The following DPP6 variants were observed in gnomAD, a reference collection of about 807,000 sequenced individuals.
DPP6 encodes the protein dipeptidyl peptidase like 6.
DPP6 carries 69 observed loss-of-function variants against 122.6 expected under a neutral mutation model. The observed-to-expected ratio is 0.56, with a 90% CI of 0.46 to 0.69. DPP6 has a LOEUF of 0.69. Ranked by LOEUF, DPP6 falls within the 30% of genes least tolerant of loss-of-function variation. The pLI is 0.00. For synonymous variants in DPP6, 418 were observed against 433.1 expected (o/e 0.97, Z 0.43); for missense variants, 928 against 1,116.9 (o/e 0.83, Z 2.41).
rs1823490743 is a variant in DPP6 at position 154,483,347 on chromosome 7, G to A, written c.457+8310G>A. On this transcript the variant is annotated intron_variant, in intron 3 of 25. Coordinates refer to ENST00000377770, the MANE Select transcript of DPP6 (RefSeq NM_130797.4). The surrounding 1 kb of genome is among the most constrained non-coding windows in gnomAD (Gnocchi z 8.1). ...TGATCATTTGAGTCATATTTAAATT[G>A]TTTATTTCTTTCTGTTAAAGGTAAA... is the stretch of plus-strand genomic sequence containing the variant. Among the ~76,000 whole-genome samples the A allele has an allele frequency of 6.6e-6, 1 of 151,564 alleles. No homozygotes were observed. The highest frequency in any genetic ancestry group is 2.1e-4 in the South Asian group (1 of 4,806).
chr7:154,791,586 G>GC (rs1312256817), intron 10 of DPP6, among the ~76,000 whole-genome samples: 1 of 152,186 alleles, frequency 6.6e-6, no homozygotes, highest in Non-Finnish European at 1.5e-5. Context: ...GGTGAGATTT[G>GC]CCGGGGGGAC....
chr7:154,061,044 TGG>T (rs1563152325), intron 1 of DPP6, among the ~76,000 whole-genome samples: 1 of 141,398 alleles, frequency 7.1e-6, no homozygotes, highest in African/African-American at 2.5e-5. Context: ...GTACCTTATG[TGG>T]GATTTACGAT....
chr7:153,871,055 C>T, the DPP6 span, among the ~76,000 whole-genome samples: 1 of 152,148 alleles, frequency 6.6e-6, no homozygotes, highest in African/African-American at 2.4e-5. Flanking sequence ...TGTCAGTCTG[C>T]CCCTCCTAGG....
At chr7:154,318,683 C>T (rs1265871775) in intron 1 of DPP6, among the ~76,000 whole-genome samples, 1 of 152,194 alleles carries the variant, frequency 6.6e-6, no homozygotes, top group Non-Finnish European at 1.5e-5. Flanking sequence ...GAATGCAGAG[C>T]TGGGTTTCTG....
At chr7:154,411,551 T>C (rs1000023246) in intron 1 of DPP6, among the ~76,000 whole-genome samples, 1 of 152,130 alleles carries the variant, frequency 6.6e-6, no homozygotes, top group Admixed American at 6.6e-5. Context: ...TCAATTTTTA[T>C]CTCCCTAGAA....
intron 1 of DPP6, among the ~76,000 whole-genome samples, chr7:154,086,342 G>A (rs1408549478): frequency 6.8e-6 from 1 of 147,264 alleles, no homozygotes; most frequent in Non-Finnish European, 1.5e-5. Context: ...TATAGAGGCT[G>A]CAGGTGTGTT....
chr7:154,658,289 T>C (rs1804062835), intron 6 of DPP6, among the ~76,000 whole-genome samples: 2 of 152,234 alleles, frequency 1.3e-5, no homozygotes, highest in Non-Finnish European at 2.9e-5. Context: ...AAGGAGGATA[T>C]GGGAACTCTC....
the DPP6 span, among the ~76,000 whole-genome samples, chr7:153,836,857 T>G: frequency 3.9e-5 from 6 of 152,184 alleles, no homozygotes; most frequent in Non-Finnish European, 7.3e-5. Context: ...CACTCTGACT[T>G]CCAGTTAAAA....
upstream of DPP6, among the ~76,000 whole-genome samples, chr7:153,884,152 C>G (rs1037278136): frequency 2.0e-5 from 3 of 152,076 alleles, no homozygotes; most frequent in African/African-American, 7.2e-5. Flanking sequence ...TAATGCTATC[C>G]CTCCCCAATT....
intron 1 of DPP6, among the ~76,000 whole-genome samples, chr7:154,153,088 G>A (rs1482824330): frequency 9.2e-5 from 14 of 152,238 alleles, no homozygotes; most frequent in Admixed American, 7.9e-4. Context: ...GTCTTTGAAC[G>A]AGTCTGCCTT....
At chr7:154,506,856 T>C (rs563626662) in intron 3 of DPP6, among the ~76,000 whole-genome samples, 88 of 152,348 alleles carry the variant, frequency 5.8e-4, no homozygotes, top group African/African-American at 2.0e-3. Flanking sequence ...CATTTCTTTC[T>C]GCACTTTCAG....
intron 1 of DPP6, among the ~76,000 whole-genome samples, chr7:154,208,660 G>A (rs1255592452): frequency 2.0e-5 from 3 of 152,116 alleles, no homozygotes; most frequent in Admixed American, 6.6e-5. Flanking sequence ...ATTGTGTGTT[G>A]GAAAGCTATT....
rs1396273498 is a variant in DPP6 at position 154,483,457 on chromosome 7, A to G, written c.457+8420A>G. 6.6e-6 allele frequency among the ~76,000 whole-genome samples: 1 copy of G among 152,092 alleles called. No homozygotes were observed. Among genetic ancestry groups the G allele is most frequent in the Non-Finnish European group, 1.5e-5 (1 of 68,026 alleles). ...ATGAATTGGGCAGCTCCAAACCAGAAGTGGTTCTGGGGTTCTACCAAGGGA... is the reference window on the plus strand; with the variant it reads ...ATGAATTGGGCAGCTCCAAACCAGAGGTGGTTCTGGGGTTCTACCAAGGGA... On this transcript the variant is annotated intron_variant, in intron 3 of 25. Transcript: ENST00000377770. The surrounding 1 kb of genome is among the most constrained non-coding windows in gnomAD (Gnocchi z 8.1).
chr7:154,085,457 C>T (rs999018678), intron 1 of DPP6, among the ~76,000 whole-genome samples: 80 of 152,160 alleles, frequency 5.3e-4, no homozygotes, highest in Non-Finnish European at 8.2e-4. Context: ...CATTTTATAC[C>T]TCTTTTTAAT....
intron 20 of DPP6, 102 bp downstream of exon 20, chr7:154,876,202 A>G (rs1000420611): frequency 7.2e-7 from 1 of 1,385,104 alleles, no homozygotes; most frequent in South Asian, 1.8e-5. Context: ...CTCCACGCAC[A>G]CATTTTTCAT....
intron 6 of DPP6, among the ~76,000 whole-genome samples, chr7:154,648,247 AAC>A (rs1430353415): frequency 8.2e-6 from 1 of 121,402 alleles, no homozygotes; most frequent in Non-Finnish European, 1.8e-5. Flanking sequence ...TAGCCTGGGC[AAC>A]AAGAGCAAAA....
At chr7:154,477,019 C>T (rs190596198) in intron 3 of DPP6, among the ~76,000 whole-genome samples, 5 of 151,814 alleles carry the variant, frequency 3.3e-5, no homozygotes, top group African/African-American at 1.2e-4. Flanking sequence ...GTCCAGGCTG[C>T]GGTTAACTGT....
chr7:153,770,526 C>T, the DPP6 span, among the ~76,000 whole-genome samples: 1 of 151,940 alleles, frequency 6.6e-6, no homozygotes, highest in African/African-American at 2.4e-5. Context: ...ACAAGAAAGG[C>T]CAAGGAGAAG....
chr7:154,622,928 A>C (rs1170380056), intron 5 of DPP6, among the ~76,000 whole-genome samples: 1 of 152,236 alleles, frequency 6.6e-6, no homozygotes, highest in Non-Finnish European at 1.5e-5. Context: ...GACTTGGTGG[A>C]TTAAGCTAAA....
Sources: gnomAD v4.1 joint callset for allele counts (sites outside exome capture counted in the v4.1 genomes callset) on GRCh38, gnomAD v4.1.1 for gene constraint, Gnocchi (gnomAD v3.1) non-coding constraint, MANE v1.5 for transcripts, NCBI Gene and HGNC (gene_info 2026-07-23, HGNC 2026-07-21) for gene names.